Variants in PDCD6IP observed in about 807,000 individuals in gnomAD.
The protein encoded by PDCD6IP is programmed cell death 6 interacting protein.
In PDCD6IP, 43 loss-of-function variants were observed where a neutral mutation model predicts 103.7. The observed-to-expected ratio is 0.41, with a 90% CI of 0.32 to 0.53. The LOEUF is 0.53. Among genes scored for constraint, PDCD6IP ranks in the 20% least tolerant of loss-of-function variants. The probability of loss-of-function intolerance (pLI) is 0.16; values close to 1 mark genes in which losing one functional copy is unlikely to be tolerated. For missense variants in PDCD6IP, 871 were observed against 1,036.7 expected, an observed-to-expected ratio of 0.84 and a Z score of 2.20; for synonymous variants, 354 against 378.7, an observed-to-expected ratio of 0.93 and a Z score of 0.76.
intron 15 of PDCD6IP, among the ~76,000 whole-genome samples, chr3:33,858,245 T>C (rs1697872307): frequency 6.6e-6 from 1 of 152,144 alleles, no homozygotes; most frequent in African/African-American, 2.4e-5. Context: ...AAAACAGTAT[T>C]TCAAAAAGAA....
chr3:33,867,698 A>G lies in PDCD6IP; in HGVS notation c.*1173A>G, dbSNP rs1698095973. The G allele has an allele frequency of 1.3e-5, 2 of 152,364 alleles. No individual in the cohort carries two copies. The highest frequency in any genetic ancestry group is 1.5e-5 in the Non-Finnish European group (1 of 68,020). 9.4% of individuals were successfully genotyped at this position (152,364 alleles called of 1,614,324 possible). On this transcript the variant is annotated 3_prime_UTR_variant, in exon 18 of 18. Transcript: ENST00000307296. Reference sequence around the variant, plus strand: ...CTCAGTAAAAATAGTGAAGACATGCATCATGGAATGAGAAAATGAGAAAGG... The same window carrying G: ...CTCAGTAAAAATAGTGAAGACATGCGTCATGGAATGAGAAAATGAGAAAGG...
chr3:33,840,338 C>T lies in PDCD6IP; in HGVS notation c.1182-1559C>T, dbSNP rs567079921. Among the ~76,000 whole-genome samples, 201 of 152,156 alleles carry T rather than the reference C, an allele frequency of 1.3e-3. 1 individual carries two copies. Among genetic ancestry groups the T allele is most frequent in the Non-Finnish European group, 2.1e-3 (143 of 68,004 alleles). On this transcript the variant is annotated intron_variant, in intron 9 of 17. Transcript: ENST00000307296. ...AAGTTTGAGTAGGCTGAGGAAGAGG[C>T]GGAAGGAGGGTTGGTCTTGCTGTCT...
rs1232184410 is a variant in PDCD6IP at position 33,866,602 on chromosome 3, T to C, written c.*77T>C. ...ACCCTGCAATAAGTGTACTAAACTCTACGCTCTGGTTAATGTAATGTACTC... is the reference window on the plus strand; with the variant it reads ...ACCCTGCAATAAGTGTACTAAACTCCACGCTCTGGTTAATGTAATGTACTC... On this transcript the variant is annotated 3_prime_UTR_variant, in exon 18 of 18. Coordinates refer to ENST00000307296, the MANE Select transcript of PDCD6IP (RefSeq NM_013374.6). 2 of 1,193,342 alleles carry C rather than the reference T, an allele frequency of 1.7e-6. No homozygotes were observed. Among genetic ancestry groups the C allele is most frequent in the African/African-American group, 1.5e-5 (1 of 64,982 alleles). The allele number at this position is 1,193,342 out of a possible 1,614,324, so 73.9% of individuals were successfully genotyped here.
intron 5 of PDCD6IP, among the ~76,000 whole-genome samples, chr3:33,825,947 T>C (rs1697113459): frequency 6.6e-6 from 1 of 152,138 alleles, no homozygotes; most frequent in Non-Finnish European, 1.5e-5. Context: ...GAAGGAGTCA[T>C]CCAGGCACAG....
At chr3:33,822,404 A>G (rs1157061126) in intron 4 of PDCD6IP, among the ~76,000 whole-genome samples, 1 of 152,184 alleles carries the variant, frequency 6.6e-6, no homozygotes, top group Non-Finnish European at 1.5e-5. Context: ...TTTTAAATAA[A>G]TTACCTAATT....
At position 33,821,188 on chromosome 3, in the gene PDCD6IP, T is replaced by TG. The variant is rs558295114; in HGVS notation, c.335-767_335-766insG. Reference sequence around the variant, plus strand: ...CTGTTTAAAAACAATTTTTTTTTTTTTTGTTGAGATGGGGTCTTGCTGTGT... The same window carrying TG: ...CTGTTTAAAAACAATTTTTTTTTTTTGTTGTTGAGATGGGGTCTTGCTGTGT... On this transcript the variant is annotated intron_variant, in intron 3 of 17. Coordinates refer to ENST00000307296, the MANE Select transcript of PDCD6IP (RefSeq NM_013374.6). 1.6e-3 allele frequency among the ~76,000 whole-genome samples: 235 copies of TG among 151,522 alleles called. 1 individual carries two copies. The highest frequency in any genetic ancestry group is 5.8e-3 in the East Asian group (30 of 5,152).
chr3:33,841,217 G>C (rs997002448), intron 9 of PDCD6IP, among the ~76,000 whole-genome samples: 4 of 151,502 alleles, frequency 2.6e-5, no homozygotes, highest in Admixed American at 1.3e-4. Context: ...TAGTAGAGAT[G>C]GGGTTTCACC....
chr3:33,844,514 T>C (rs767306703), intron 11 of PDCD6IP, among the ~76,000 whole-genome samples: 1 of 152,206 alleles, frequency 6.6e-6, no homozygotes, highest in Non-Finnish European at 1.5e-5. Context: ...AAGGTCTCGC[T>C]GTGTCACTCA....
rs183843774 is a variant in PDCD6IP at position 33,812,883 on chromosome 3, T to G, written c.265-676T>G. 2.6e-5 allele frequency among the ~76,000 whole-genome samples: 4 copies of G among 152,288 alleles called. 1 individual carries two copies. The highest frequency in any genetic ancestry group is 9.6e-5 in the African/African-American group (4 of 41,588). On this transcript the variant is annotated intron_variant, in intron 2 of 17. Coordinates refer to ENST00000307296, the MANE Select transcript of PDCD6IP (RefSeq NM_013374.6). ...TCATTCTCTTTATTCTCTTTAGTTTTTCTGTATGTTTGAAAATTTCCCTAA... is the reference window on the plus strand; with the variant it reads ...TCATTCTCTTTATTCTCTTTAGTTTGTCTGTATGTTTGAAAATTTCCCTAA...
Position 33,798,858 on chromosome 3 carries a change from G to GAGGAGCTCAGCAAGCTGCGCCGCGC in PDCD6IP, c.131_155dup (p.Ala53GlyfsTer29). ...GCAGGCCCAGTACTGCCGCGCGGCG[G>GAGGAGCTCAGCAAGCTGCGCCGCGC]AGGAGCTCAGCAAGCTGCGCCGCGC... On this transcript the variant is annotated frameshift_variant, in exon 1 of 18. Coordinates refer to ENST00000307296, the MANE Select transcript of PDCD6IP (RefSeq NM_013374.6). LOFTEE classifies it high-confidence loss of function. 6.4e-7 allele frequency: 1 copy of GAGGAGCTCAGCAAGCTGCGCCGCGC among 1,552,696 alleles called. No homozygotes were observed. The highest frequency in any genetic ancestry group is 8.7e-7 in the Non-Finnish European group (1 of 1,147,808).
chr3:33,814,842 T>C (rs568232267), intron 3 of PDCD6IP, among the ~76,000 whole-genome samples: 1 of 128,574 alleles, frequency 7.8e-6, no homozygotes, highest in East Asian at 2.5e-4. Flanking sequence ...ACTATATGCA[T>C]GTATTATTCA....
intron 3 of PDCD6IP, among the ~76,000 whole-genome samples, chr3:33,818,335 T>TGAC (rs1696905694): frequency 1.3e-5 from 2 of 151,314 alleles, no homozygotes; most frequent in South Asian, 4.2e-4. Flanking sequence ...CTCGAACTCC[T>TGAC]GACCTCAAGA....
chr3:33,845,535 C>G lies in PDCD6IP; in HGVS notation c.1588C>G (p.Leu530Val), dbSNP rs747488689. Residue 530 changes from leucine (L) to valine (V), a missense_variant, in exon 12 of 18, where the codon CTG becomes GTG. Coordinates refer to ENST00000307296, the MANE Select transcript of PDCD6IP (RefSeq NM_013374.6). ...GCTTTTGTGTAAGCCAGAGCCTGAG[C>G]TGAATGCTGCCATCCCTTCTGCTAA... The part of the protein sequence containing the change: ...IVLLCKPEPE[L>V]NAAIPSANPA... The G allele has an allele frequency of 1.2e-6, 2 of 1,613,342 alleles. No individual in the cohort carries two copies. Among genetic ancestry groups the G allele is most frequent in the Non-Finnish European group, 1.7e-6 (2 of 1,179,496 alleles).
intron 1 of PDCD6IP, among the ~76,000 whole-genome samples, chr3:33,801,255 T>C (rs1696470412): frequency 6.6e-6 from 1 of 152,212 alleles, no homozygotes; most frequent in South Asian, 2.1e-4. Context: ...TTTTTAATAA[T>C]TATGTTTGGA....
chr3:33,825,690 TA>T (rs1252568208), intron 5 of PDCD6IP, among the ~76,000 whole-genome samples: 1 of 152,236 alleles, frequency 6.6e-6, no homozygotes, highest in African/African-American at 2.4e-5. Context: ...TAAACGGAGT[TA>T]GAAAACAACT....
At chr3:33,852,399 G>A (rs1575939854) in intron 12 of PDCD6IP, 89 bp from the exon 13 acceptor site, 5 of 1,435,712 alleles carry the variant, frequency 3.5e-6, no homozygotes, top group Non-Finnish European at 4.6e-6. Flanking sequence ...CTCTCAGCCC[G>A]AATGAACCTT....
intron 9 of PDCD6IP, among the ~76,000 whole-genome samples, chr3:33,839,852 A>AT (rs1697431156): frequency 6.6e-6 from 1 of 152,184 alleles, no homozygotes; most frequent in Non-Finnish European, 1.5e-5. Flanking sequence ...CTAATTGCTA[A>AT]TGATACTGAG....
intron 5 of PDCD6IP, 99 bp downstream of exon 5, chr3:33,825,439 CCTT>C: frequency 9.8e-7 from 1 of 1,020,712 alleles, no homozygotes; most frequent in Non-Finnish European, 1.4e-6. Flanking sequence ...GTCGAGCTGT[CCTT>C]CTTGAACTTG....
chr3:33,826,718 G>T (rs952479755), intron 6 of PDCD6IP, 138 bp downstream of exon 6: 80 of 1,086,330 alleles, frequency 7.4e-5, no homozygotes, highest in Middle Eastern at 3.5e-4. Flanking sequence ...AGTAGAAATA[G>T]TTTTTTTTTT....
Sources: gnomAD v4.1 joint callset for allele counts (sites outside exome capture counted in the v4.1 genomes callset) on GRCh38, gnomAD v4.1.1 for gene constraint, MANE v1.5 for transcripts, NCBI Gene and HGNC (gene_info 2026-07-23, HGNC 2026-07-21) for gene names.